Variants in COL28A1 observed in about 807,000 individuals in gnomAD.
COL28A1 encodes the protein collagen type XXVIII alpha 1 chain.
COL28A1 carries 161 observed loss-of-function variants against 150.2 expected under a neutral mutation model. That is an observed-to-expected ratio of 1.07 (90% CI 0.94 to 1.22). The LOEUF is 1.22. Among genes scored for constraint, COL28A1 ranks in the 50% most tolerant of loss-of-function variants. COL28A1 has a pLI of 0.00. For missense variants in COL28A1, 1,617 were observed against 1,388.3 expected, an observed-to-expected ratio of 1.16 and a Z score of -2.62; for synonymous variants, 552 against 469.7, an observed-to-expected ratio of 1.18 and a Z score of -2.26.
chr7:7,417,943 G>A lies in COL28A1; in HGVS notation c.2068-16C>T. On this transcript the variant is annotated splice_polypyrimidine_tract_variant and intron_variant, in intron 26 of 34. Coordinates refer to ENST00000399429, the MANE Select transcript of COL28A1 (RefSeq NM_001037763.3). ...CAGTATCACCCTGTTAGAAGATGGG[G>A]AGAATTTGAAGACAAAATGTAAGAA... 1 of 1,596,892 alleles carries A rather than the reference G, an allele frequency of 6.3e-7. No homozygotes were observed. Among genetic ancestry groups the A allele is most frequent in the Non-Finnish European group, 8.5e-7 (1 of 1,171,956 alleles).
chr7:7,466,008 A>G (rs1266536847), intron 15 of COL28A1, among the ~76,000 whole-genome samples: 1 of 111,776 alleles, frequency 8.9e-6, no homozygotes, highest in African/African-American at 3.5e-5. Flanking sequence ...ATGGGGAAAA[A>G]ACAGAACAGA....
intron 11 of COL28A1, among the ~76,000 whole-genome samples, chr7:7,492,791 G>C (rs1779993370): frequency 1.3e-5 from 2 of 151,288 alleles, no homozygotes; most frequent in South Asian, 4.2e-4. Context: ...GAATTCAAAA[G>C]TACTTACTGT....
chr7:7,384,562 TCTC>T (rs1350780299), intron 27 of COL28A1, among the ~76,000 whole-genome samples: 4 of 152,190 alleles, frequency 2.6e-5, no homozygotes, highest in Non-Finnish European at 5.9e-5. Context: ...TGTTTGTTAA[TCTC>T]CTACTGTGCC....
chr7:7,534,148 A>C (rs1782518479), intron 1 of COL28A1, among the ~76,000 whole-genome samples: 1 of 152,218 alleles, frequency 6.6e-6, no homozygotes, highest in South Asian at 2.1e-4. Flanking sequence ...TTCATGCCAC[A>C]GTCTGCTCCT....
intron 11 of COL28A1, among the ~76,000 whole-genome samples, chr7:7,492,910 AC>A (rs1780001942): frequency 6.7e-6 from 1 of 150,356 alleles, no homozygotes; most frequent in Non-Finnish European, 1.5e-5. Flanking sequence ...CAGTTGACTG[AC>A]ATTCTCATTT....
chr7:7,419,044 A>C (rs1437223685), intron 26 of COL28A1, among the ~76,000 whole-genome samples: 1 of 152,212 alleles, frequency 6.6e-6, no homozygotes, highest in African/African-American at 2.4e-5. Context: ...TGAATATACC[A>C]ATTCAAAATT....
At chr7:7,533,659 G>A (rs1325186284) in intron 1 of COL28A1, among the ~76,000 whole-genome samples, 1 of 152,066 alleles carries the variant, frequency 6.6e-6, no homozygotes, top group African/African-American at 2.4e-5. Context: ...CCTCTGAATA[G>A]CCCCGTGAAA....
chr7:7,503,710 A>C (rs1311551516), intron 11 of COL28A1, among the ~76,000 whole-genome samples: 10 of 152,212 alleles, frequency 6.6e-5, no homozygotes, highest in African/African-American at 2.2e-4. Flanking sequence ...GACCAATATG[A>C]CATGAATCTC....
rs1440017678 is a variant in COL28A1 at position 7,524,210 on chromosome 7, C to G, written c.702+19G>C. On this transcript the variant is annotated intron_variant, in intron 4 of 34. Transcript: ENST00000399429. ...AGTGTTTGGAGTAATTCGTAGTAAT[C>G]AAAGCATGTGGTGCTTACCTTCTTT... 5 of 1,185,536 alleles carry G rather than the reference C, an allele frequency of 4.2e-6. No individual in the cohort carries two copies. The highest frequency in any genetic ancestry group is 1.5e-5 in the African/African-American group (1 of 67,044). 73.4% of individuals were successfully genotyped at this position (1,185,536 alleles called of 1,614,324 possible).
At chr7:7,455,703 A>T (rs1787100954) in intron 16 of COL28A1, among the ~76,000 whole-genome samples, 1 of 152,196 alleles carries the variant, frequency 6.6e-6, no homozygotes, top group Non-Finnish European at 1.5e-5. Context: ...CAAAGCTTCA[A>T]GGAGAAAAAA....
intron 10 of COL28A1, 71 bp downstream of exon 10, chr7:7,507,046 G>A: frequency 1.2e-6 from 1 of 800,136 alleles, no homozygotes; most frequent in Non-Finnish European, 2.2e-6. Context: ...GGTGCAAGTG[G>A]GCAAGGGGAT....
chr7:7,440,598 T>A (rs904190267), intron 21 of COL28A1, among the ~76,000 whole-genome samples, 192 bp downstream of exon 21: 4 of 152,262 alleles, frequency 2.6e-5, no homozygotes, highest in African/African-American at 7.2e-5. Context: ...TTACATATTT[T>A]ATGCAATCTA....
chr7:7,450,312 T>A (rs1331188093), intron 18 of COL28A1, among the ~76,000 whole-genome samples: 5 of 152,150 alleles, frequency 3.3e-5, no homozygotes, highest in Admixed American at 2.6e-4. Flanking sequence ...ACACTAAAAT[T>A]TTCAGAAAAA....
intron 25 of COL28A1, among the ~76,000 whole-genome samples, chr7:7,425,381 A>G (rs1340917612): frequency 6.6e-6 from 1 of 152,092 alleles, no homozygotes; most frequent in Non-Finnish European, 1.5e-5. Flanking sequence ...TGAAACTGTA[A>G]AAGTCCTTTC....
At chr7:7,454,486 C>T (rs888810433) in intron 16 of COL28A1, among the ~76,000 whole-genome samples, 3 of 151,594 alleles carry the variant, frequency 2.0e-5, no homozygotes, top group Non-Finnish European at 2.9e-5. Context: ...ACATCTACCT[C>T]GAAATTTTTT....
At chr7:7,502,039 C>T (rs552640499) in intron 11 of COL28A1, among the ~76,000 whole-genome samples, 17 of 152,222 alleles carry the variant, frequency 1.1e-4, no homozygotes, top group African/African-American at 2.9e-4. Context: ...GGATCACAGG[C>T]GCCCGCCACC....
At chr7:7,406,492 G>A (rs568326110) in intron 27 of COL28A1, among the ~76,000 whole-genome samples, 2 of 152,244 alleles carry the variant, frequency 1.3e-5, no homozygotes, top group South Asian at 4.1e-4. Context: ...TTTTTACTTT[G>A]AGAAGGCAGA....
At chr7:7,511,986 G>A in intron 8 of COL28A1, 1 of 319,882 alleles carries the variant, frequency 3.1e-6, no homozygotes, top group Non-Finnish European at 6.2e-6. Flanking sequence ...TAATTAAGAA[G>A]GTTAAGTAAA....
chr7:7,361,026 G>A (rs1161432515), intron 33 of COL28A1, among the ~76,000 whole-genome samples: 1 of 152,120 alleles, frequency 6.6e-6, no homozygotes, highest in East Asian at 1.9e-4. Flanking sequence ...AATTAGGGTA[G>A]CAGAAGACAA....
Sources: allele counts gnomAD v4.1 joint callset (sites outside exome capture counted in the v4.1 genomes callset), GRCh38; gene constraint gnomAD v4.1.1; transcripts MANE v1.5; gene names NCBI Gene and HGNC (gene_info 2026-07-23, HGNC 2026-07-21).